TRMT10A: variants seen among roughly 807,000 people sequenced by gnomAD.
TRMT10A encodes tRNA methyltransferase 10 homolog A.
In TRMT10A, 37 loss-of-function variants were observed where a neutral mutation model predicts 40.4. That is an observed-to-expected ratio of 0.92 (90% CI 0.71 to 1.21). The LOEUF (loss-of-function observed/expected upper bound fraction) is 1.21. Among genes scored for constraint, TRMT10A ranks in the 50% most tolerant of loss-of-function variants. TRMT10A has a pLI of 0.00. For missense variants in TRMT10A, 388 were observed against 404.3 expected, an observed-to-expected ratio of 0.96 and a Z score of 0.35; for synonymous variants, 103 against 134.1, an observed-to-expected ratio of 0.77 and a Z score of 1.60.
At chr4:99,561,332 C>T (rs1319794315) in intron 1 of TRMT10A, among the ~76,000 whole-genome samples, 2 of 152,064 alleles carry the variant, frequency 1.3e-5, no homozygotes, top group African/African-American at 2.4e-5. Flanking sequence ...GAGCATATGC[C>T]TTTCCTATCT....
At chr4:99,562,201 A>ATGTGTGTGTT (rs1724435146) in intron 1 of TRMT10A, among the ~76,000 whole-genome samples, 1 of 136,158 alleles carries the variant, frequency 7.3e-6, no homozygotes, top group African/African-American at 2.9e-5. Flanking sequence ...ATATATATAT[A>ATGTGTGTGTT]TGTGTGTGTG....
At chr4:99,562,045 C>G (rs954673983) in intron 1 of TRMT10A, among the ~76,000 whole-genome samples, 22 of 151,788 alleles carry the variant, frequency 1.4e-4, no homozygotes, top group Non-Finnish European at 5.9e-5. Context: ...GTAGTGGACG[C>G]CTGTAATTCC....
At chr4:99,559,473 A>G in intron 1 of TRMT10A, 112 bp from the exon 2 acceptor site, 2 of 674,530 alleles carry the variant, frequency 3.0e-6, no homozygotes, top group Non-Finnish European at 4.7e-6. Flanking sequence ...AGACAAATAA[A>G]TGTCATTTAA....
In TRMT10A at chr4:99,550,966, C is replaced by G. The variant is rs142490083; in HGVS notation, c.670G>C (p.Asp224His). Residue 224 changes from aspartate to histidine, a missense_variant, in exon 7 of 8, where the codon GAT (aspartate) becomes CAT (histidine). By Grantham distance (81) the Asp-to-His change is moderately conservative. Coordinates refer to ENST00000394876, the MANE Select transcript of TRMT10A (RefSeq NM_001134665.3). ...HKGLTYKQASDYGINHAQLPL... is the reference protein window; with the variant it reads ...HKGLTYKQASHYGINHAQLPL... Reference sequence around the variant, plus strand: ...AGCTGTGCATGATTGATTCCATAATCTGACGCTTGTTTATATGTGAGTCCC... The same window carrying G: ...AGCTGTGCATGATTGATTCCATAATGTGACGCTTGTTTATATGTGAGTCCC... 1 of 1,612,032 alleles carries G rather than the reference C, an allele frequency of 6.2e-7. No homozygotes were observed. Among genetic ancestry groups the G allele is most frequent in the Non-Finnish European group, 8.5e-7 (1 of 1,179,082 alleles).
chr4:99,554,354 A>T (rs1355235148), intron 5 of TRMT10A, among the ~76,000 whole-genome samples: 2 of 152,210 alleles, frequency 1.3e-5, no homozygotes, highest in Non-Finnish European at 2.9e-5. Flanking sequence ...TTACTGCCAC[A>T]TATTTGCTCA....
In TRMT10A at chr4:99,558,178, T is replaced by G; in HGVS notation, c.219A>C (p.Lys73Asn). 1 of 1,598,760 alleles carries G rather than the reference T, an allele frequency of 6.3e-7. No individual in the cohort carries two copies. The highest frequency in any genetic ancestry group is 8.5e-7 in the Non-Finnish European group (1 of 1,176,156). ...QKRKEKRKRK[K>N]LERQCQMEPN... The stretch of plus-strand genomic sequence containing the variant: ...GTTCCATTTGACATTGTCGCTCTAA[T>G]TTTTTCCTCTTGCGTTTTTCTTTTC... The change falls in exon 3 of 8, where the codon AAA becomes AAC. Residue 73 changes from lysine to asparagine, a missense_variant. Transcript: ENST00000394876.
In TRMT10A at chr4:99,552,872, T is replaced by A. The variant is rs187380631; in HGVS notation, c.645+913A>T. ...AAGAAAAGCTCAATTTGTCAACTGA[T>A]GGTTTGCATACTTGGTGGGGGGGGG... is the stretch of plus-strand genomic sequence containing the variant. On this transcript the variant is annotated intron_variant, in intron 6 of 7. Coordinates refer to ENST00000394876, the MANE Select transcript of TRMT10A (RefSeq NM_001134665.3). Among the ~76,000 whole-genome samples the A allele has an allele frequency of 7.3e-4, 111 of 151,888 alleles. 1 individual carries two copies. Among genetic ancestry groups the A allele is most frequent in the African/African-American group, 2.0e-3 (83 of 41,414 alleles).
intron 1 of TRMT10A, among the ~76,000 whole-genome samples, chr4:99,562,114 T>C (rs191253898): frequency 0.023 from 3,483 of 150,586 alleles, 108 homozygotes; most frequent in Middle Eastern, 0.1. Context: ...GAGGTTGCAG[T>C]GTGCCATGAT....
At chr4:99,560,230 T>C (rs1004248942) in intron 1 of TRMT10A, among the ~76,000 whole-genome samples, 14 of 151,672 alleles carry the variant, frequency 9.2e-5, no homozygotes, top group African/African-American at 3.1e-4. Flanking sequence ...TTCAGAGAGG[T>C]CATAAGGGAA....
At chr4:99,560,847 A>T (rs1014600931) in intron 1 of TRMT10A, among the ~76,000 whole-genome samples, 3 of 152,184 alleles carry the variant, frequency 2.0e-5, no homozygotes, top group Non-Finnish European at 4.4e-5. Context: ...TTCATGAAAT[A>T]ATAATATTCC....
intron 6 of TRMT10A, among the ~76,000 whole-genome samples, chr4:99,551,297 A>C (rs1723955118): frequency 6.6e-6 from 1 of 152,216 alleles, no homozygotes. Flanking sequence ...AATCTGGCTC[A>C]CATATCTCCT....
chr4:99,559,107 G>C (rs2110192443), intron 2 of TRMT10A, 47 bp downstream of exon 2: 3 of 1,547,586 alleles, frequency 1.9e-6, no homozygotes, highest in Non-Finnish European at 2.6e-6. Flanking sequence ...GTTTAACATT[G>C]CATATCTCTA....
Position 99,548,960 on chromosome 4 carries a change from C to A in TRMT10A, c.*128G>T. 6 of 946,268 alleles carry A rather than the reference C, an allele frequency of 6.3e-6. No individual in the cohort carries two copies. The highest frequency in any genetic ancestry group is 3.2e-5 in the Admixed American group (1 of 30,862). 58.6% of individuals were successfully genotyped at this position (946,268 alleles called of 1,614,324 possible). On this transcript the variant is annotated 3_prime_UTR_variant, in exon 8 of 8. Coordinates refer to ENST00000394876, the MANE Select transcript of TRMT10A (RefSeq NM_001134665.3). The stretch of plus-strand genomic sequence containing the variant: ...CTTTTTTTTTTATTATTATTTAGGT[C>A]CAAAAAAAAGTTTTTAAAAATCACA...
At chr4:99,561,021 G>A (rs955678442) in intron 1 of TRMT10A, among the ~76,000 whole-genome samples, 1 of 150,544 alleles carries the variant, frequency 6.6e-6, no homozygotes, top group African/African-American at 2.5e-5. Context: ...CGCGATCTCC[G>A]TTCACTGCAA....
At chr4:99,555,493 T>C (rs375527973) in intron 5 of TRMT10A, among the ~76,000 whole-genome samples, 2 of 152,186 alleles carry the variant, frequency 1.3e-5, no homozygotes, top group African/African-American at 4.8e-5. Context: ...TGAGGCCACA[T>C]AGGCAATTTT....
chr4:99,556,629 T>A (rs1294747333), intron 4 of TRMT10A, among the ~76,000 whole-genome samples: 1 of 151,960 alleles, frequency 6.6e-6, no homozygotes, highest in East Asian at 1.9e-4. Context: ...TGAGAAGGGG[T>A]CTACTACAGA....
At chr4:99,554,514 A>C (rs1415028112) in intron 5 of TRMT10A, among the ~76,000 whole-genome samples, 3 of 152,102 alleles carry the variant, frequency 2.0e-5, no homozygotes, top group Non-Finnish European at 4.4e-5. Flanking sequence ...CAAGGTCAGG[A>C]GTTCGAGACC....
chr4:99,554,598 G>A (rs1221994270), intron 5 of TRMT10A, among the ~76,000 whole-genome samples: 4 of 151,678 alleles, frequency 2.6e-5, no homozygotes, highest in African/African-American at 9.7e-5. Context: ...GCGGGCTCCT[G>A]TAATCCCAGC....
chr4:99,560,108 A>C (rs1296559633), intron 1 of TRMT10A, among the ~76,000 whole-genome samples: 1 of 152,092 alleles, frequency 6.6e-6, no homozygotes, highest in Non-Finnish European at 1.5e-5. Flanking sequence ...AAACTACAAA[A>C]AGACAGAACT....
Sources: allele counts gnomAD v4.1 joint callset (sites outside exome capture counted in the v4.1 genomes callset), GRCh38; gene constraint gnomAD v4.1.1; transcripts MANE v1.5; gene names NCBI Gene and HGNC (gene_info 2026-07-23, HGNC 2026-07-21).